ECT2: variants seen among roughly 807,000 people sequenced by gnomAD.
ECT2 encodes the protein protein ECT2.
A neutral mutation model predicts 116.9 loss-of-function variants in ECT2; 61 were observed. The observed-to-expected ratio is 0.52, with a 90% CI of 0.42 to 0.65. The LOEUF is 0.65. Among genes scored for constraint, ECT2 ranks in the 30% least tolerant of loss-of-function variants. The pLI, the probability that ECT2 is intolerant of heterozygous loss-of-function variation, is 0.00. For synonymous variants in ECT2, 358 were observed against 346.4 expected (o/e 1.03, Z -0.37); for missense variants, 937 against 1,078.7 (o/e 0.87, Z 1.84).
intron 11 of ECT2, 133 bp downstream of exon 11, chr3:172,763,105 T>A: frequency 2.3e-6 from 2 of 865,254 alleles, no homozygotes; most frequent in Non-Finnish European, 3.6e-6. Flanking sequence ...TCAAGTTATC[T>A]TAGTCTATGT....
rs775972301 is a variant in ECT2 at position 172,754,522 on chromosome 3, A to T, written c.-9A>T. ...TTATTTTTTCAGCTGATTTAGAAGA[A>T]TACAAATCATGGCTGAAAATAGTGT... On this transcript the variant is annotated 5_prime_UTR_variant, in exon 2 of 25. Coordinates refer to ENST00000392692, the MANE Select transcript of ECT2 (RefSeq NM_001258315.2). 2 of 1,587,716 alleles carry T rather than the reference A, an allele frequency of 1.3e-6. No individual in the cohort carries two copies. Among genetic ancestry groups the T allele is most frequent in the Non-Finnish European group, 1.7e-6 (2 of 1,170,174 alleles).
the ECT2 span, among the ~76,000 whole-genome samples, chr3:172,827,442 T>A: frequency 1.3e-5 from 2 of 152,196 alleles, no homozygotes; most frequent in African/African-American, 2.4e-5. Flanking sequence ...GGAGTACTAT[T>A]CAGCTGTAAA....
At chr3:172,754,751 T>G in intron 2 of ECT2, 91 bp downstream of exon 2, 2 of 969,600 alleles carry the variant, frequency 2.1e-6, no homozygotes, top group Non-Finnish European at 3.0e-6. Context: ...TAATACCAAC[T>G]GTAATGCTAG....
At chr3:172,761,708 T>A in intron 8 of ECT2, 25 bp downstream of exon 8, 1 of 1,486,322 alleles carries the variant, frequency 6.7e-7, no homozygotes, top group Non-Finnish European at 9.3e-7. Flanking sequence ...ACTCAGTAGT[T>A]CATTATGTAA....
chr3:172,815,751 A>G (rs375325994), intron 23 of ECT2, 40 bp downstream of exon 23: 148 of 1,259,150 alleles, frequency 1.2e-4, no homozygotes, highest in East Asian at 1.1e-3. Flanking sequence ...CATCTCTAAC[A>G]TATTTTCCAG....
chr3:172,768,079 C>T (rs1719861591), intron 12 of ECT2, among the ~76,000 whole-genome samples: 1 of 152,046 alleles, frequency 6.6e-6, no homozygotes. Context: ...ACTGTTGCAT[C>T]CTCCTTCCAC....
chr3:172,814,070 A>T (rs968071429), intron 22 of ECT2, among the ~76,000 whole-genome samples: 2 of 152,120 alleles, frequency 1.3e-5, no homozygotes, highest in African/African-American at 4.8e-5. Flanking sequence ...CTATTAACTG[A>T]TTTGTACAGG....
intron 4 of ECT2, among the ~76,000 whole-genome samples, chr3:172,756,296 A>AG (rs1288003601): frequency 9.2e-5 from 14 of 152,086 alleles, no homozygotes; most frequent in Non-Finnish European, 1.8e-4. Flanking sequence ...GAGTTAAAAA[A>AG]AAATTTTTTT....
At position 172,805,789 on chromosome 3, in the gene ECT2, G is replaced by A. The variant is rs775275237; in HGVS notation, c.2165G>A (p.Arg722Gln). 3.7e-6 allele frequency: 6 copies of A among 1,613,560 alleles called. No homozygotes were observed. Among genetic ancestry groups the A allele is most frequent in the Non-Finnish European group, 3.4e-6 (4 of 1,179,864 alleles). Reference protein sequence around the residue: ...GTFRSPHGQTRPPASLKHIHL... With the variant: ...GTFRSPHGQTQPPASLKHIHL... Reference sequence around the variant, plus strand: ...TTTAGGAGTCCTCATGGCCAAACCCGACCCCCAGCTTCTCTTAAGCATATT... The same window carrying A: ...TTTAGGAGTCCTCATGGCCAAACCCAACCCCCAGCTTCTCTTAAGCATATT... The change falls in exon 21 of 25, where the codon CGA (arginine) becomes CAA (glutamine). Residue 722 changes from arginine (R) to glutamine (Q), a missense_variant. By Grantham distance (43) the Arg-to-Gln change is conservative. Transcript: ENST00000392692.
At chr3:172,803,240 T>TTC (rs1336799604) in intron 20 of ECT2, among the ~76,000 whole-genome samples, 2 of 152,188 alleles carry the variant, frequency 1.3e-5, no homozygotes, top group Non-Finnish European at 2.9e-5. Context: ...AATAAATGCT[T>TTC]AGGTCAAGAA....
downstream of ECT2, among the ~76,000 whole-genome samples, chr3:172,823,933 C>CTTT (rs71162315): frequency 2.4e-5 from 3 of 126,640 alleles, no homozygotes; most frequent in African/African-American, 2.8e-5. Context: ...AAGTTTTTCT[C>CTTT]TTTTTTTTTT....
At chr3:172,815,391 C>T (rs1028359310) in intron 22 of ECT2, among the ~76,000 whole-genome samples, 1 of 152,080 alleles carries the variant, frequency 6.6e-6, no homozygotes, top group African/African-American at 2.4e-5. Context: ...GCTTTGGTAT[C>T]CATGACCCTT....
intron 18 of ECT2, among the ~76,000 whole-genome samples, chr3:172,800,669 T>C (rs1043255770): frequency 6.6e-6 from 1 of 152,186 alleles, no homozygotes; most frequent in African/African-American, 2.4e-5. Context: ...TCTCATCCAG[T>C]GTATTTTTCA....
rs140210336 is a variant in ECT2, at chr3:172,789,455, C to T, written c.1907+2881C>T. ...CTGAACTCAAGCGATCTGCTCACCT[C>T]GGCTACCCAAAGTATTGGGATTACA... On this transcript the variant is annotated intron_variant, in intron 18 of 24. Transcript: ENST00000392692. Among the ~76,000 whole-genome samples, 452 of 152,214 alleles carry T rather than the reference C, an allele frequency of 3.0e-3. 2 individuals are homozygous for T. Among genetic ancestry groups the T allele is most frequent in the Non-Finnish European group, 4.4e-3 (298 of 68,010 alleles).
At chr3:172,803,067 A>G in intron 20 of ECT2, 87 bp downstream of exon 20, 1 of 1,236,174 alleles carries the variant, frequency 8.1e-7, no homozygotes, top group Non-Finnish European at 1.1e-6. Context: ...ATTGAAGAGT[A>G]ATGTAGAATT....
intron 5 of ECT2, among the ~76,000 whole-genome samples, chr3:172,757,803 T>C (rs1009114193): frequency 3.3e-5 from 5 of 152,138 alleles, no homozygotes; most frequent in Non-Finnish European, 7.3e-5. Flanking sequence ...AAACTTTTAT[T>C]TTTCTCAACA....
chr3:172,757,803 T>G (rs1009114193), intron 5 of ECT2, among the ~76,000 whole-genome samples: 1 of 152,138 alleles, frequency 6.6e-6, no homozygotes, highest in Non-Finnish European at 1.5e-5. Flanking sequence ...AAACTTTTAT[T>G]TTTCTCAACA....
At position 172,762,743 on chromosome 3, in the gene ECT2, A is replaced by G; in HGVS notation, c.942A>G (p.Glu314=). Residue 314 remains glutamate, a synonymous_variant, in exon 10 of 25, where the codon GAA becomes GAG. Coordinates refer to ENST00000392692, the MANE Select transcript of ECT2 (RefSeq NM_001258315.2). The part of the protein sequence containing the change: ...GDERCTHLVV[E]ENIVKDLPFE... ...AAAGATGCACTCACCTTGTAGTTGA[A>G]GAGAATATAGTAAAAGATCTTCCCT... 2 of 1,613,288 alleles carry G rather than the reference A, an allele frequency of 1.2e-6. No individual in the cohort carries two copies. Among genetic ancestry groups the G allele is most frequent in the Non-Finnish European group, 1.7e-6 (2 of 1,179,674 alleles).
intron 13 of ECT2, chr3:172,771,160 T>C (rs1242472505): frequency 6.6e-6 from 1 of 152,140 alleles, no homozygotes; most frequent in East Asian, 1.9e-4. Context: ...TTAGCACTGA[T>C]TATTTGCAAA....
Sources: gnomAD v4.1 joint callset for allele counts (sites outside exome capture counted in the v4.1 genomes callset) on GRCh38, gnomAD v4.1.1 for gene constraint, MANE v1.5 for transcripts, NCBI Gene and HGNC (gene_info 2026-07-23, HGNC 2026-07-21) for gene names.